SPIRE1: variants seen among roughly 807,000 people sequenced by gnomAD.
SPIRE1 encodes the protein spire type actin nucleation factor 1.
In SPIRE1, 40 loss-of-function variants were observed where a neutral mutation model predicts 94.1. That is an observed-to-expected ratio of 0.43 (90% CI 0.33 to 0.55). The LOEUF is 0.55. Ranked by LOEUF, SPIRE1 falls within the 20% of genes least tolerant of loss-of-function variation. The pLI is 0.06. For synonymous variants in SPIRE1, 376 were observed against 371.7 expected (o/e 1.01, Z -0.13); for missense variants, 838 against 975.2 (o/e 0.86, Z 1.87).
At chr18:12,491,150 T>C (rs2033219165) in intron 8 of SPIRE1, among the ~76,000 whole-genome samples, 1 of 151,266 alleles carries the variant, frequency 6.6e-6, no homozygotes, top group Admixed American at 6.6e-5. Context: ...ATACAAAAAC[T>C]ATGAGACAGA....
chr18:12,625,911 C>T (rs1441371454), intron 2 of SPIRE1, among the ~76,000 whole-genome samples: 6 of 151,984 alleles, frequency 3.9e-5, no homozygotes, highest in East Asian at 3.9e-4. Flanking sequence ...GGCGTGGTGG[C>T]GGCTGCCTGT....
At chr18:12,532,357 T>G (rs1234438081) in intron 4 of SPIRE1, among the ~76,000 whole-genome samples, 2 of 152,182 alleles carry the variant, frequency 1.3e-5, no homozygotes, top group African/African-American at 4.8e-5. Context: ...CAATTTGCCA[T>G]ATAAGAAATT....
At chr18:12,460,516 C>G (rs773868709) in intron 12 of SPIRE1, among the ~76,000 whole-genome samples, 4 of 152,146 alleles carry the variant, frequency 2.6e-5, no homozygotes, top group Non-Finnish European at 5.9e-5. Flanking sequence ...AGTTCGAGAC[C>G]AGCCTGACCA....
rs534016406 is a variant in SPIRE1, at chr18:12,623,240, A to G, written c.372+11822T>C. Among the ~76,000 whole-genome samples, 6 of 151,364 alleles carry G rather than the reference A, an allele frequency of 4.0e-5. No homozygotes were observed. The East Asian group carries it at 1.2e-3, about 30-fold the overall frequency. On this transcript the variant is annotated intron_variant, in intron 2 of 16. Transcript: ENST00000409402. ...GTGATCTTGGCTCACTGCAAGCTCC[A>G]CCTCCTAGGTTCATGCCATTCTCCT...
At chr18:12,531,585 A>C (rs1323416210) in intron 4 of SPIRE1, among the ~76,000 whole-genome samples, 1 of 152,154 alleles carries the variant, frequency 6.6e-6, no homozygotes, top group African/African-American at 2.4e-5. Context: ...GTGAATCTCT[A>C]ATCTCTCTAA....
chr18:12,451,062 C>G, intron 16 of SPIRE1: 1 of 430,406 alleles, frequency 2.3e-6, no homozygotes, highest in East Asian at 4.6e-5. Context: ...GAATAAGAGA[C>G]TGTCCATTTG....
chr18:12,482,507 A>T (rs1351967021), intron 9 of SPIRE1, among the ~76,000 whole-genome samples: 1 of 152,210 alleles, frequency 6.6e-6, no homozygotes, highest in African/African-American at 2.4e-5. Flanking sequence ...CAGAAAAAAA[A>T]TACTGTATTT....
intron 4 of SPIRE1, among the ~76,000 whole-genome samples, chr18:12,523,732 A>C (rs1263030199): frequency 6.6e-6 from 1 of 152,130 alleles, no homozygotes; most frequent in Non-Finnish European, 1.5e-5. Flanking sequence ...CCCAGGATGG[A>C]GTGCAAAATG....
intron 2 of SPIRE1, among the ~76,000 whole-genome samples, chr18:12,551,860 G>A (rs961021985): frequency 1.3e-5 from 2 of 152,128 alleles, no homozygotes; most frequent in Non-Finnish European, 1.5e-5. Flanking sequence ...TTTAACTTCA[G>A]ACCACCGAAA....
intron 12 of SPIRE1, among the ~76,000 whole-genome samples, chr18:12,456,852 T>A (rs1201254379): frequency 2.6e-5 from 4 of 152,228 alleles, no homozygotes; most frequent in African/African-American, 9.6e-5. Flanking sequence ...TTTTCTTTCG[T>A]TTTGAGACAA....
chr18:12,553,473 G>A (rs1025584065), intron 2 of SPIRE1, among the ~76,000 whole-genome samples: 3 of 152,202 alleles, frequency 2.0e-5, no homozygotes, highest in Non-Finnish European at 4.4e-5. Context: ...TGGTGGCCAT[G>A]GGGTGAGGCT....
intron 2 of SPIRE1, among the ~76,000 whole-genome samples, chr18:12,571,932 G>C (rs932574445): frequency 1.3e-5 from 2 of 152,210 alleles, no homozygotes; most frequent in Non-Finnish European, 2.9e-5. Context: ...TAACGAGAAG[G>C]TGTCATGGGA....
intron 2 of SPIRE1, among the ~76,000 whole-genome samples, chr18:12,569,474 T>A (rs2035906676): frequency 6.6e-6 from 1 of 152,104 alleles, no homozygotes; most frequent in Admixed American, 6.6e-5. Context: ...ATATACCTAG[T>A]TCTTCGGACA....
intron 2 of SPIRE1, among the ~76,000 whole-genome samples, chr18:12,634,286 T>G (rs1438528407): frequency 6.6e-6 from 1 of 150,642 alleles, no homozygotes; most frequent in African/African-American, 2.4e-5. Flanking sequence ...ATAATAATAA[T>G]AAACCTACTT....
chr18:12,626,886 AT>A (rs1194431610), intron 2 of SPIRE1, among the ~76,000 whole-genome samples: 3,643 of 111,798 alleles, frequency 0.033, 122 homozygotes, highest in African/African-American at 0.088. Flanking sequence ...ATATATATAT[AT>A]TTTTTTTTTT....
At chr18:12,640,178 T>C (rs1391579194) in intron 1 of SPIRE1, among the ~76,000 whole-genome samples, 1 of 152,154 alleles carries the variant, frequency 6.6e-6, no homozygotes, top group African/African-American at 2.4e-5. Context: ...TATCATGCAG[T>C]CACATTATCA....
chr18:12,473,298 T>C (rs1333882305), intron 10 of SPIRE1, among the ~76,000 whole-genome samples: 1 of 148,406 alleles, frequency 6.7e-6, no homozygotes, highest in African/African-American at 2.5e-5. Context: ...CCCAGAAAAT[T>C]CAGTTCTGGC....
At chr18:12,526,987 C>T (rs559047763) in intron 4 of SPIRE1, among the ~76,000 whole-genome samples, 2 of 152,232 alleles carry the variant, frequency 1.3e-5, no homozygotes, top group African/African-American at 4.8e-5. Flanking sequence ...GGATTACAGG[C>T]GTGAGCTACT....
rs1198051047 is a variant in SPIRE1, at chr18:12,579,945, T to C, written c.373-33041A>G. On this transcript the variant is annotated intron_variant, in intron 2 of 16. Transcript: ENST00000409402. ...CACCTGTAACCAGCATTTGACACAG[T>C]TAACCTCATCTTATTTTTAAATACT... is the stretch of plus-strand genomic sequence containing the variant. 2.0e-5 allele frequency among the ~76,000 whole-genome samples: 3 copies of C among 152,216 alleles called. No homozygotes were observed. In the East Asian group the frequency reaches 5.8e-4, roughly 29 times the overall value.
Sources: gnomAD v4.1 joint callset for allele counts (sites outside exome capture counted in the v4.1 genomes callset) on GRCh38, gnomAD v4.1.1 for gene constraint, MANE v1.5 for transcripts, NCBI Gene and HGNC (gene_info 2026-07-23, HGNC 2026-07-21) for gene names.